Variants in PARD3 observed in about 807,000 individuals in gnomAD.
The protein encoded by PARD3 is partitioning defective 3 homolog.
Under a neutral mutation model 155.4 loss-of-function variants are expected in PARD3, and 75 were observed. The observed-to-expected ratio is 0.48, with a 90% confidence interval of 0.40 to 0.58. The LOEUF is 0.58. PARD3 is among the 20% of genes least tolerant of loss of function. The probability of loss-of-function intolerance (pLI) is 0.00; values close to 1 mark genes in which losing one functional copy is unlikely to be tolerated. For missense variants in PARD3, 1,642 were observed against 1,721.7 expected (o/e 0.95, Z 0.82); for synonymous variants, 576 against 610.5 (o/e 0.94, Z 0.83).
intron 23 of PARD3, among the ~76,000 whole-genome samples, chr10:34,120,760 G>C (rs1192082982): frequency 6.6e-6 from 1 of 152,164 alleles, no homozygotes; most frequent in Non-Finnish European, 1.5e-5. Flanking sequence ...TAGTTATTAG[G>C]AAATGGCAAT....
At chr10:34,134,636 C>G (rs763839734) in intron 22 of PARD3, among the ~76,000 whole-genome samples, 1 of 152,198 alleles carries the variant, frequency 6.6e-6, no homozygotes, top group African/African-American at 2.4e-5. Context: ...TTGGTTTCAC[C>G]CCCTTTTCCT....
intron 1 of PARD3, among the ~76,000 whole-genome samples, chr10:34,795,658 G>A (rs1447397199): frequency 1.3e-5 from 2 of 151,214 alleles, no homozygotes; most frequent in Admixed American, 1.3e-4. Flanking sequence ...CAGCACTTTG[G>A]CCAAGGTGGG....
At chr10:34,704,050 G>A (rs745801667) in intron 1 of PARD3, among the ~76,000 whole-genome samples, 1 of 152,274 alleles carries the variant, frequency 6.6e-6, no homozygotes, top group Non-Finnish European at 1.5e-5. Flanking sequence ...GACAGCTCCC[G>A]GGACGATGGT....
chr10:34,501,734 C>T (rs952095339), intron 3 of PARD3, among the ~76,000 whole-genome samples: 1 of 151,144 alleles, frequency 6.6e-6, no homozygotes, highest in Non-Finnish European at 1.5e-5. Flanking sequence ...CCCTCCTCCC[C>T]GCCAAAAAAA....
At chr10:34,222,476 T>C (rs1952355241) in intron 22 of PARD3, among the ~76,000 whole-genome samples, 2 of 152,228 alleles carry the variant, frequency 1.3e-5, no homozygotes, top group Non-Finnish European at 2.9e-5. Flanking sequence ...TCTATGTACG[T>C]ACCTCGCTGC....
At chr10:34,427,895 C>T (rs904914181) in intron 5 of PARD3, among the ~76,000 whole-genome samples, 4 of 152,130 alleles carry the variant, frequency 2.6e-5, no homozygotes, top group Non-Finnish European at 5.9e-5. Context: ...GTGGCAACTA[C>T]ATAGCACAGA....
intron 5 of PARD3, among the ~76,000 whole-genome samples, chr10:34,404,162 G>C (rs895584378): frequency 1.1e-4 from 16 of 152,174 alleles, no homozygotes; most frequent in African/African-American, 3.9e-4. Flanking sequence ...CTGAGGCTGA[G>C]CTGCAGTTGC....
intron 22 of PARD3, among the ~76,000 whole-genome samples, chr10:34,162,112 A>AC (rs1949311099): frequency 1.3e-5 from 2 of 150,766 alleles, no homozygotes; most frequent in Admixed American, 6.6e-5. Flanking sequence ...TCTCCGACCC[A>AC]CCCCCCAAGT....
At chr10:34,804,195 A>G (rs904799104) in intron 1 of PARD3, among the ~76,000 whole-genome samples, 1 of 152,084 alleles carries the variant, frequency 6.6e-6, no homozygotes, top group Non-Finnish European at 1.5e-5. Context: ...CATCACACTC[A>G]GCTAAATTTT....
chr10:34,147,562 A>C (rs1056916917), intron 22 of PARD3, among the ~76,000 whole-genome samples: 5 of 151,940 alleles, frequency 3.3e-5, no homozygotes, highest in Non-Finnish European at 7.4e-5. Context: ...ATATATAGTA[A>C]AATTTTCCCT....
intron 23 of PARD3, among the ~76,000 whole-genome samples, chr10:34,129,727 G>T (rs1363693031): frequency 1.7e-5 from 2 of 116,180 alleles, no homozygotes; most frequent in African/African-American, 3.2e-5. Flanking sequence ...TTGAGCCAGG[G>T]TCTCACTGCA....
chr10:34,184,338 A>G (rs1950392430), intron 22 of PARD3, among the ~76,000 whole-genome samples: 1 of 151,924 alleles, frequency 6.6e-6, no homozygotes, highest in Admixed American at 6.6e-5. Context: ...TAAAAATTCC[A>G]CTCAACCTCT....
In PARD3 at chr10:34,359,201, A is replaced by G; in HGVS notation, c.2013T>C (p.Asn671=). ...CAATAAGCTGGATCATTCCTCGTTT[A>G]TTGCCTTCAGTAGACATAGACCTTC... ...TLRRSMSTEG[N]KRGMIQLIVA... Residue 671 remains asparagine (N), a synonymous_variant, in exon 14 of 25, where the codon AAT becomes AAC. Coordinates refer to ENST00000374788, the MANE Select transcript of PARD3 (RefSeq NM_001184785.2). 6.2e-7 allele frequency: 1 copy of G among 1,613,822 alleles called. No individual in the cohort carries two copies. The highest frequency in any genetic ancestry group is 8.5e-7 in the Non-Finnish European group (1 of 1,179,898).
chr10:34,683,870 T>C (rs1223607238), intron 2 of PARD3, among the ~76,000 whole-genome samples: 1 of 152,186 alleles, frequency 6.6e-6, no homozygotes, highest in East Asian at 1.9e-4. Context: ...TGATGAACTG[T>C]GGCCAAACCA....
chr10:34,777,933 G>C (rs1309317495), intron 1 of PARD3, among the ~76,000 whole-genome samples: 1 of 152,192 alleles, frequency 6.6e-6, no homozygotes, highest in South Asian at 2.1e-4. Flanking sequence ...CCCGCAAGGA[G>C]GCCTTTGGGA....
intron 2 of PARD3, among the ~76,000 whole-genome samples, chr10:34,551,207 G>T (rs151219590): frequency 8.1e-4 from 124 of 152,230 alleles, no homozygotes; most frequent in African/African-American, 2.8e-3. Context: ...TGTCAAAGGG[G>T]TAAGAAGAAA....
chr10:34,785,383 T>C (rs562869201), intron 1 of PARD3, among the ~76,000 whole-genome samples: 3 of 152,252 alleles, frequency 2.0e-5, no homozygotes, highest in Non-Finnish European at 4.4e-5. Flanking sequence ...TTTTGCAACT[T>C]ATACTCTTGA....
At chr10:34,578,066 T>A (rs1298456056) in intron 2 of PARD3, among the ~76,000 whole-genome samples, 1 of 151,794 alleles carries the variant, frequency 6.6e-6, no homozygotes, top group Admixed American at 6.6e-5. Flanking sequence ...TTTTTTCTTT[T>A]TTCCTTTGTA....
At chr10:34,227,817 G>T (rs1177971165) in intron 22 of PARD3, among the ~76,000 whole-genome samples, 6 of 120,500 alleles carry the variant, frequency 5.0e-5, no homozygotes, top group African/African-American at 1.9e-4. Context: ...CCCATTACTG[G>T]GAATATATAT....
Sources: gnomAD v4.1 joint callset for allele counts (sites outside exome capture counted in the v4.1 genomes callset) on GRCh38, gnomAD v4.1.1 for gene constraint, MANE v1.5 for transcripts, NCBI Gene and HGNC (gene_info 2026-07-23, HGNC 2026-07-21) for gene names.